Variants in PDE4D observed in about 807,000 individuals in gnomAD.
The protein encoded by PDE4D is phosphodiesterase 4D.
Under a neutral mutation model 87.4 loss-of-function variants are expected in PDE4D, and 24 were observed. The observed-to-expected ratio is 0.27, with a 90% CI of 0.20 to 0.39. The LOEUF (loss-of-function observed/expected upper bound fraction) is 0.39. Ranked by LOEUF, PDE4D falls within the 10% of genes least tolerant of loss-of-function variation. The probability of loss-of-function intolerance (pLI) is 1.00; values close to 1 mark genes in which losing one functional copy is unlikely to be tolerated. For missense variants in PDE4D, 714 were observed against 1,041.0 expected, an observed-to-expected ratio of 0.69 and a Z score of 4.32; for synonymous variants, 384 against 383.2, an observed-to-expected ratio of 1.00 and a Z score of -0.02.
intron 1 of PDE4D, among the ~76,000 whole-genome samples, chr5:60,281,169 A>G (rs1289636706): frequency 1.3e-5 from 2 of 152,092 alleles, no homozygotes; most frequent in Non-Finnish European, 1.5e-5. Flanking sequence ...TACTTTCTCC[A>G]TACATACAAG....
chr5:59,906,345 CT>C (rs534841419), intron 3 of PDE4D, among the ~76,000 whole-genome samples: 98 of 152,206 alleles, frequency 6.4e-4, no homozygotes, highest in African/African-American at 2.2e-3. Context: ...AGTTAGCTTC[CT>C]AAGCCAGAAA....
At chr5:59,311,269 A>G (rs1490720670) in intron 1 of PDE4D, among the ~76,000 whole-genome samples, 1 of 151,968 alleles carries the variant, frequency 6.6e-6, no homozygotes, top group African/African-American at 2.4e-5. Context: ...GCTCATGCTT[A>G]TAATTCCAGC....
chr5:60,432,784 C>G (rs796925157), intron 1 of PDE4D, among the ~76,000 whole-genome samples: 1 of 152,172 alleles, frequency 6.6e-6, no homozygotes, highest in Non-Finnish European at 1.5e-5. Context: ...CACACACTTA[C>G]AACCATCTGA....
chr5:59,702,287 C>T (rs1380958392), intron 1 of PDE4D, among the ~76,000 whole-genome samples: 5 of 152,058 alleles, frequency 3.3e-5, no homozygotes, highest in Non-Finnish European at 5.9e-5. Context: ...CCACACCCGG[C>T]TAATTTTTTG....
At chr5:59,250,985 T>C (rs184705806) in intron 1 of PDE4D, among the ~76,000 whole-genome samples, 15 of 152,206 alleles carry the variant, frequency 9.9e-5, no homozygotes, top group East Asian at 1.9e-4. Context: ...ATGCAGAAGA[T>C]TGAAGCTGGA....
intron 1 of PDE4D, among the ~76,000 whole-genome samples, chr5:59,494,737 C>T (rs374714759): frequency 6.6e-6 from 1 of 152,134 alleles, no homozygotes; most frequent in East Asian, 1.9e-4. Flanking sequence ...TAGCAATAGA[C>T]CTGAGGCACT....
chr5:59,534,278 T>C (rs143991130), intron 1 of PDE4D, among the ~76,000 whole-genome samples: 1 of 152,332 alleles, frequency 6.6e-6, no homozygotes, highest in East Asian at 1.9e-4. Context: ...ATCAACCAGA[T>C]TTTTTAAATC....
chr5:60,350,809 G>A (rs1305310769), intron 1 of PDE4D, among the ~76,000 whole-genome samples: 3 of 152,084 alleles, frequency 2.0e-5, no homozygotes, highest in Admixed American at 6.5e-5. Context: ...CTTGATTCGA[G>A]TTTGAGTGGC....
At chr5:59,101,510 C>T (rs1168704976) in intron 5 of PDE4D, among the ~76,000 whole-genome samples, 1 of 152,030 alleles carries the variant, frequency 6.6e-6, no homozygotes, top group East Asian at 1.9e-4. Flanking sequence ...TACAAAAACC[C>T]CTAGCAGGTT....
intron 2 of PDE4D, among the ~76,000 whole-genome samples, chr5:60,176,835 G>A (rs1487289590): frequency 6.6e-6 from 1 of 152,086 alleles, no homozygotes; most frequent in Non-Finnish European, 1.5e-5. Flanking sequence ...TTTGTTGTGG[G>A]CAGAGTTGTA....
At chr5:58,980,759 T>C (rs1006001280) in intron 11 of PDE4D, among the ~76,000 whole-genome samples, 8 of 152,194 alleles carry the variant, frequency 5.3e-5, no homozygotes, top group African/African-American at 1.7e-4. Context: ...TTTCTCTCTC[T>C]GTATTAATCA....
At chr5:59,026,066 C>A (rs960666789) in intron 6 of PDE4D, among the ~76,000 whole-genome samples, 24 of 152,260 alleles carry the variant, frequency 1.6e-4, no homozygotes, top group African/African-American at 5.8e-4. Flanking sequence ...CCTTTCTTCC[C>A]AGACTAGCAG....
At chr5:59,373,227 G>T (rs144104027) in intron 1 of PDE4D, among the ~76,000 whole-genome samples, 19 of 152,276 alleles carry the variant, frequency 1.2e-4, no homozygotes, top group African/African-American at 4.3e-4. Flanking sequence ...TTGGAATGAA[G>T]ATCATTGAAG....
intron 1 of PDE4D, among the ~76,000 whole-genome samples, chr5:60,401,523 C>T (rs58273724): frequency 0.02 from 3,098 of 152,306 alleles, 97 homozygotes; most frequent in African/African-American, 0.071. Context: ...CTCCCTCTCA[C>T]GGCAAGCCCA....
chr5:59,691,422 G>A (rs961101280), intron 1 of PDE4D, among the ~76,000 whole-genome samples: 1 of 152,080 alleles, frequency 6.6e-6, no homozygotes, highest in Non-Finnish European at 1.5e-5. Context: ...CCTTTGTAGG[G>A]ACATGGATGA....
chr5:60,245,531 C>T (rs954082470), intron 1 of PDE4D, among the ~76,000 whole-genome samples: 2 of 151,830 alleles, frequency 1.3e-5, no homozygotes, highest in Admixed American at 1.3e-4. Context: ...TGGTAGCAAT[C>T]CATTAGCAGA....
intron 5 of PDE4D, among the ~76,000 whole-genome samples, chr5:59,138,899 G>A (rs1049510107): frequency 3.9e-5 from 6 of 152,206 alleles, no homozygotes; most frequent in Admixed American, 3.3e-4. Context: ...TGAAAGAGGT[G>A]TGTGAAAGAT....
At chr5:59,913,713 CACTT>C (rs1423599311) in intron 3 of PDE4D, among the ~76,000 whole-genome samples, 1 of 151,922 alleles carries the variant, frequency 6.6e-6, no homozygotes, top group African/African-American at 2.4e-5. Context: ...TATTAACTTC[CACTT>C]AATGCAAATC....
intron 1 of PDE4D, among the ~76,000 whole-genome samples, chr5:59,264,787 T>C (rs1762589385): frequency 6.6e-6 from 1 of 152,052 alleles, no homozygotes; most frequent in African/African-American, 2.4e-5. Context: ...GCTAAATGCC[T>C]GCTCTAACGT....
Sources: allele counts gnomAD v4.1 joint callset (sites outside exome capture counted in the v4.1 genomes callset), GRCh38; gene constraint gnomAD v4.1.1; transcripts MANE v1.5; gene names NCBI Gene and HGNC (gene_info 2026-07-23, HGNC 2026-07-21).